The following SASS6 variants were observed in gnomAD, a reference collection of about 807,000 sequenced individuals.
SASS6 encodes the protein spindle assembly abnormal protein 6 homolog.
SASS6 carries 59 observed loss-of-function variants against 94.9 expected under a neutral mutation model. The ratio of observed to expected loss-of-function variants is 0.62; its 90% CI spans 0.50 to 0.77. SASS6 has a LOEUF of 0.77. Among genes scored for constraint, SASS6 ranks in the 30% least tolerant of loss-of-function variants. SASS6 has a pLI of 0.00. For missense variants in SASS6, 698 were observed against 734.1 expected, an observed-to-expected ratio of 0.95 and a Z score of 0.57; for synonymous variants, 264 against 270.0, an observed-to-expected ratio of 0.98 and a Z score of 0.22.
intron 5 of SASS6, 62 bp downstream of exon 5, chr1:100,121,316 T>A (rs1265037912): frequency 5.1e-6 from 5 of 972,308 alleles, no homozygotes; most frequent in Non-Finnish European, 1.5e-6. Flanking sequence ...ATCTCTTCAA[T>A]AATTTATCAA....
Position 100,121,261 on chromosome 1 carries a change from TA to T in SASS6, c.483+116del, listed in dbSNP as rs1273519543. On this transcript the variant is annotated intron_variant, in intron 5 of 16. Transcript: ENST00000287482. ...AAGAAACAGTAAAATAAATTCGTTA[TA>T]TTTCATAAAACTTTATTTAGAAAAC... 4 of 609,162 alleles carry T rather than the reference TA, an allele frequency of 6.6e-6. No homozygotes were observed. In the African/African-American group the frequency reaches 7.6e-5, roughly 12 times the overall value. The allele number at this position is 609,162 out of a possible 1,614,324, so 37.7% of individuals were successfully genotyped here.
chr1:100,088,175 G>T lies in SASS6; in HGVS notation c.1736C>A (p.Ala579Glu). The T allele has an allele frequency of 6.2e-7, 1 of 1,604,224 alleles. No individual in the cohort carries two copies. The highest frequency in any genetic ancestry group is 8.5e-7 in the Non-Finnish European group (1 of 1,171,332). Residue 579 changes from alanine (A) to glutamate (E), a missense_variant, in exon 15 of 17, where the codon GCA becomes GAA. By Grantham distance (107) the Ala-to-Glu change is moderately radical. Transcript: ENST00000287482. The stretch of plus-strand genomic sequence containing the variant: ...AGTTGAGCAAGGCATACTAATAGTT[G>T]CTCCTGACTGAACATCTCCTAGTGA... ...NASLGDVQSGATISMPCSTDK... is the reference protein window; with the variant it reads ...NASLGDVQSGETISMPCSTDK...
At position 100,125,899 on chromosome 1, in the gene SASS6, T is replaced by C. The variant is rs781337174; in HGVS notation, c.109A>G (p.Asn37Asp). 3.2e-6 allele frequency: 5 copies of C among 1,551,576 alleles called. No individual in the cohort carries two copies. Among genetic ancestry groups the C allele is most frequent in the Non-Finnish European group, 4.4e-6 (5 of 1,133,262 alleles). Reference sequence around the variant, plus strand: ...ATACCAACCTTTCTGTGAACTGGATTAGAAACTGATTGTAGTTCAATGCTC... The same window carrying C: ...ATACCAACCTTTCTGTGAACTGGATCAGAAACTGATTGTAGTTCAATGCTC... ...RMSIELQSVSNPVHRKDLVIR... is the reference protein window; with the variant it reads ...RMSIELQSVSDPVHRKDLVIR... Residue 37 changes from asparagine to aspartate, a missense_variant, in exon 2 of 17, where the codon AAT becomes GAT. Physicochemically the swap from Asn to Asp is conservative, Grantham distance 23. Coordinates refer to ENST00000287482, the MANE Select transcript of SASS6 (RefSeq NM_194292.3).
chr1:100,112,138 A>C (rs1178902168), intron 7 of SASS6, among the ~76,000 whole-genome samples: 1 of 152,186 alleles, frequency 6.6e-6, no homozygotes, highest in African/African-American at 2.4e-5. Flanking sequence ...AAAATAATAG[A>C]GTCTAACAGA....
At position 100,085,015 on chromosome 1, in the gene SASS6, TCTCC is replaced by T. The variant is rs1651136626; in HGVS notation, c.*309_*312del. On this transcript the variant is annotated 3_prime_UTR_variant, in exon 17 of 17. Coordinates refer to ENST00000287482, the MANE Select transcript of SASS6 (RefSeq NM_194292.3). ...ACCCAGATTTTTAATATGATCAGAATCTCCCTCATAAGGATCAACTCTTTCCTTA... is the reference window on the plus strand; with the variant it reads ...ACCCAGATTTTTAATATGATCAGAATCTCATAAGGATCAACTCTTTCCTTA... The T allele has an allele frequency of 4.5e-6, 1 of 219,854 alleles. No individual in the cohort carries two copies. Among genetic ancestry groups the T allele is most frequent in the Admixed American group, 5.2e-5 (1 of 19,240 alleles). 13.6% of individuals were successfully genotyped at this position (219,854 alleles called of 1,614,324 possible).
At chr1:100,105,554 A>C (rs1002887171) in intron 13 of SASS6, among the ~76,000 whole-genome samples, 1 of 152,096 alleles carries the variant, frequency 6.6e-6, no homozygotes, top group Non-Finnish European at 1.5e-5. Context: ...AAACAAAAAA[A>C]AGAAATGTGC....
intron 1 of SASS6, among the ~76,000 whole-genome samples, chr1:100,128,811 G>T (rs151011371): frequency 6.6e-6 from 1 of 152,104 alleles, no homozygotes; most frequent in Admixed American, 6.5e-5. Flanking sequence ...TAAACATCAG[G>T]CTTGCTTTAG....
intron 1 of SASS6, among the ~76,000 whole-genome samples, chr1:100,132,499 G>A (rs1018736059): frequency 2.0e-5 from 3 of 152,152 alleles, no homozygotes; most frequent in Non-Finnish European, 4.4e-5. Flanking sequence ...TCCGTGCACA[G>A]GTAGGGTTTT....
At chr1:100,128,097 T>C (rs1197948270) in intron 1 of SASS6, among the ~76,000 whole-genome samples, 1 of 152,048 alleles carries the variant, frequency 6.6e-6, no homozygotes, top group Non-Finnish European at 1.5e-5. Context: ...AGTGCAATGG[T>C]GCGATCTTGG....
chr1:100,123,497 T>A (rs556158729), intron 2 of SASS6, among the ~76,000 whole-genome samples: 1 of 152,220 alleles, frequency 6.6e-6, no homozygotes. Context: ...AAAAGCCACA[T>A]GGAGGTCTGT....
chr1:100,122,734 G>A (rs1654297158), intron 3 of SASS6, among the ~76,000 whole-genome samples: 1 of 151,700 alleles, frequency 6.6e-6, no homozygotes, highest in South Asian at 2.1e-4. Flanking sequence ...TGTATTTTTA[G>A]TTAAGACAGG....
rs540469440 is a variant in SASS6, at chr1:100,107,269, A to T, written c.1326+105T>A. On this transcript the variant is annotated intron_variant, in intron 11 of 16. Coordinates refer to ENST00000287482, the MANE Select transcript of SASS6 (RefSeq NM_194292.3). ...CTCAATCTAGTCATGTTCTTTTGTT[A>T]AAAAAAAAAACAAGACCAAAGCCAT... 1.7e-5 allele frequency: 7 copies of T among 416,406 alleles called. No individual in the cohort carries two copies. In the South Asian group the frequency reaches 1.9e-4, roughly 11 times the overall value. The allele number at this position is 416,406 out of a possible 1,614,324, so 25.8% of individuals were successfully genotyped here. A position where few individuals can be genotyped will look rare whatever the true frequency, so the allele number is the denominator to read the frequency against.
chr1:100,106,846 C>T (rs575667664), intron 12 of SASS6, 66 bp downstream of exon 12: 14 of 724,334 alleles, frequency 1.9e-5, no homozygotes, highest in East Asian at 8.3e-5. Context: ...AGAGTGAGAC[C>T]GTGTCTCAAA....
At chr1:100,105,667 G>T in intron 13 of SASS6, 100 bp downstream of exon 13, 1 of 1,122,718 alleles carries the variant, frequency 8.9e-7, no homozygotes, top group Non-Finnish European at 1.3e-6. Context: ...ACTTTGTATT[G>T]GTATCAGCAC....
At chr1:100,100,181 G>A (rs1196803827) in intron 14 of SASS6, among the ~76,000 whole-genome samples, 5 of 152,116 alleles carry the variant, frequency 3.3e-5, no homozygotes, top group South Asian at 2.1e-4. Flanking sequence ...CATGAGAATC[G>A]CTTGAACCTG....
At chr1:100,132,539 T>G (rs376933627) in intron 1 of SASS6, among the ~76,000 whole-genome samples, 2 of 152,162 alleles carry the variant, frequency 1.3e-5, no homozygotes, top group Non-Finnish European at 2.9e-5. Context: ...GCCGGCTTCC[T>G]AACTCCTCAC....
chr1:100,121,380 T>C lies in SASS6; in HGVS notation c.481A>G (p.Lys161Glu). 1 of 1,550,344 alleles carries C rather than the reference T, an allele frequency of 6.5e-7. No homozygotes were observed. The highest frequency in any genetic ancestry group is 8.7e-7 in the Non-Finnish European group (1 of 1,148,520). Reference sequence around the variant, plus strand: ...AATAACTTAAATTTAAATCTTACCTTGCTACATTTCAAACAGCCTGCGAGA... The same window carrying C: ...AATAACTTAAATTTAAATCTTACCTCGCTACATTTCAAACAGCCTGCGAGA... ...KFLAGCLKCS[K>E]EEKLSLMQSL... Residue 161 changes from lysine to glutamate, a missense_variant and splice_region_variant, in exon 5 of 17, where the codon AAG becomes GAG. Coordinates refer to ENST00000287482, the MANE Select transcript of SASS6 (RefSeq NM_194292.3).
chr1:100,110,425 T>A lies in SASS6; in HGVS notation c.728A>T (p.His243Leu), dbSNP rs769728804. The A allele has an allele frequency of 5.6e-6, 9 of 1,611,760 alleles. 1 individual carries two copies. Among genetic ancestry groups the A allele is most frequent in the South Asian group, 3.3e-5 (3 of 90,904 alleles). The part of the protein sequence containing the change: ...EQQKKDLEIL[H>L]QQNIHQLQNR... Reference sequence around the variant, plus strand: ...TTGTAGCTGGTGGATGTTTTGTTGATGGAGGATTTCTAAATCTTTTTTCTG... The same window carrying A: ...TTGTAGCTGGTGGATGTTTTGTTGAAGGAGGATTTCTAAATCTTTTTTCTG... Residue 243 changes from histidine (H) to leucine (L), a missense_variant, in exon 8 of 17, where the codon CAT becomes CTT. His to Leu is a moderately conservative substitution (Grantham distance 99, BLOSUM62 -3). Transcript: ENST00000287482.
chr1:100,114,953 T>C (rs1557890443), intron 7 of SASS6, among the ~76,000 whole-genome samples: 3 of 152,154 alleles, frequency 2.0e-5, no homozygotes, highest in African/African-American at 4.8e-5. Context: ...TGAATTAAAA[T>C]TCTCAGGTAG....
Sources: gnomAD v4.1 joint callset for allele counts (sites outside exome capture counted in the v4.1 genomes callset) on GRCh38, gnomAD v4.1.1 for gene constraint, MANE v1.5 for transcripts, NCBI Gene and HGNC (gene_info 2026-07-23, HGNC 2026-07-21) for gene names.